The following ZNF331 variants were observed in gnomAD, a reference collection of about 807,000 sequenced individuals.
ZNF331 encodes zinc finger protein 331, also known as C2H2-like zinc finger protein rearranged in thyroid adenomas.
ZNF331 carries 2 observed loss-of-function variants against 7.0 expected under a neutral mutation model. The ratio of observed to expected loss-of-function variants is 0.29; its 90% CI spans 0.12 to 0.90. The LOEUF (loss-of-function observed/expected upper bound fraction) is 0.90. ZNF331 is among the 40% of genes least tolerant of loss of function. The probability of loss-of-function intolerance (pLI) is 0.58; values close to 1 mark genes in which losing one functional copy is unlikely to be tolerated. For missense variants in ZNF331, 432 were observed against 587.7 expected (o/e 0.74, Z 2.74); for synonymous variants, 196 against 205.4 (o/e 0.95, Z 0.39).
intron 2 of ZNF331, among the ~76,000 whole-genome samples, chr19:53,531,142 G>A (rs1782547713): frequency 6.6e-6 from 1 of 152,032 alleles, no homozygotes; most frequent in Admixed American, 6.6e-5. Context: ...ACATTCTTAC[G>A]AAAAAGCACG....
At chr19:53,549,500 G>T (rs934844107) in intron 2 of ZNF331, among the ~76,000 whole-genome samples, 1 of 152,130 alleles carries the variant, frequency 6.6e-6, no homozygotes, top group Non-Finnish European at 1.5e-5. Context: ...AGAGTGCAGT[G>T]TGGAGTCATG....
intron 1 of ZNF331, chr19:53,538,846 A>T (rs903835056): frequency 3.9e-5 from 6 of 152,044 alleles, no homozygotes; most frequent in African/African-American, 1.5e-4. Context: ...CCCTGCCTTC[A>T]CCTCCTAACC....
In ZNF331 at chr19:53,560,661, T is replaced by C. The variant is rs2089828200; in HGVS notation, c.-74+4753T>C. Among the ~76,000 whole-genome samples, 1 of 152,106 alleles carries C rather than the reference T, an allele frequency of 6.6e-6. No individual in the cohort carries two copies. Among genetic ancestry groups the C allele is most frequent in the Admixed American group, 6.6e-5 (1 of 15,266 alleles). ...AGGTTGTTGGAGGCTGTAGGAGATATTCTGTGTCCTTGCTTTTGCTGGCTT... is the reference window on the plus strand; with the variant it reads ...AGGTTGTTGGAGGCTGTAGGAGATACTCTGTGTCCTTGCTTTTGCTGGCTT... On this transcript the variant is annotated intron_variant, in intron 3 of 5. Transcript: ENST00000449416. This position sits in a 1 kb window ranked among gnomAD's most constrained non-coding sequence, Gnocchi z 4.3.
chr19:53,576,861 A>G lies in ZNF331; in HGVS notation c.301A>G (p.Asn101Asp). Residue 101 changes from asparagine to aspartate, a missense_variant, in exon 6 of 6, where the codon AAT becomes GAT. Physicochemically the swap from Asn to Asp is conservative, Grantham distance 23. Transcript: ENST00000449416. ...ACAGCGCTCCAGAGGGAGGTATGTC[A>G]ATCAGATGATCATCAATTATGTCAA... Reference protein sequence around the residue: ...RPQRSRGRYVNQMIINYVKRP... With the variant: ...RPQRSRGRYVDQMIINYVKRP... The G allele has an allele frequency of 1.9e-6, 3 of 1,614,202 alleles. No homozygotes were observed. The highest frequency in any genetic ancestry group is 2.5e-6 in the Non-Finnish European group (3 of 1,180,044).
the ZNF331 span, among the ~76,000 whole-genome samples, chr19:53,510,159 G>C: frequency 1.3e-5 from 2 of 152,216 alleles, no homozygotes; most frequent in Admixed American, 1.3e-4. Flanking sequence ...TCCTGCTTCT[G>C]TGGGCGTGAC....
intron 2 of ZNF331, among the ~76,000 whole-genome samples, chr19:53,548,406 C>T (rs932285579): frequency 2.0e-5 from 3 of 151,886 alleles, no homozygotes; most frequent in Non-Finnish European, 2.9e-5. Flanking sequence ...CCACGGTGCC[C>T]GGCCAATGCC....
chr19:53,538,059 T>TCTG (rs1229600889), upstream of ZNF331: 5 of 152,312 alleles, frequency 3.3e-5, no homozygotes, highest in East Asian at 1.9e-4. Flanking sequence ...CGTGTCGGGC[T>TCTG]CTGCTGCTGT....
chr19:53,522,691 T>C (rs891808503), intron 2 of ZNF331: 2 of 152,174 alleles, frequency 1.3e-5, no homozygotes, highest in Non-Finnish European at 2.9e-5. Context: ...TCAGGTGAGT[T>C]AGCTTTTTGT....
rs756310980 is a variant in ZNF331 at position 53,577,220 on chromosome 19, T to C, written c.660T>C (p.Cys220=). Residue 220 remains cysteine, a synonymous_variant, in exon 6 of 6, where the codon TGT becomes TGC. Transcript: ENST00000449416. The part of the protein sequence containing the change: ...TGEKPYECKD[C]GKAFRRGDEL... Reference sequence around the variant, plus strand: ...AAAAACCCTATGAATGTAAAGACTGTGGAAAGGCCTTTCGGCGTGGTGATG... The same window carrying C: ...AAAAACCCTATGAATGTAAAGACTGCGGAAAGGCCTTTCGGCGTGGTGATG... The C allele has an allele frequency of 1.9e-6, 3 of 1,613,884 alleles. No homozygotes were observed. Among genetic ancestry groups the C allele is most frequent in the Non-Finnish European group, 2.5e-6 (3 of 1,179,978 alleles).
intron 3 of ZNF331, among the ~76,000 whole-genome samples, chr19:53,559,310 C>G (rs2089663568): frequency 6.7e-6 from 1 of 150,082 alleles, no homozygotes; most frequent in Non-Finnish European, 1.5e-5. Flanking sequence ...CAAACACACC[C>G]CATGTACACA....
chr19:53,548,330 C>T (rs1330804620), intron 2 of ZNF331, among the ~76,000 whole-genome samples: 1 of 152,064 alleles, frequency 6.6e-6, no homozygotes, highest in African/African-American at 2.4e-5. Flanking sequence ...CCAGGATGGT[C>T]TCGATCTCCT....
the ZNF331 span, among the ~76,000 whole-genome samples, chr19:53,510,350 G>A: frequency 6.6e-6 from 1 of 152,074 alleles, no homozygotes; most frequent in Non-Finnish European, 1.5e-5. Context: ...GGAACTCGGG[G>A]TAGGAGTGGG....
chr19:53,512,133 C>T, the ZNF331 span: 1 of 152,474 alleles, frequency 6.6e-6, no homozygotes, highest in East Asian at 1.9e-4. Flanking sequence ...TCTGTTATCT[C>T]CGGTCCGGGG....
At chr19:53,550,037 T>C (rs1355053277) in intron 2 of ZNF331, among the ~76,000 whole-genome samples, 1 of 152,242 alleles carries the variant, frequency 6.6e-6, no homozygotes, top group Non-Finnish European at 1.5e-5. Flanking sequence ...TATTTTTTGA[T>C]TTACCTAAAT....
At chr19:53,507,956 G>C in the ZNF331 span, among the ~76,000 whole-genome samples, 7 of 152,114 alleles carry the variant, frequency 4.6e-5, no homozygotes, top group African/African-American at 1.7e-4. Flanking sequence ...CAAAACTCAG[G>C]GTTTTGGCCA....
intron 2 of ZNF331, among the ~76,000 whole-genome samples, chr19:53,553,832 C>T (rs895021006): frequency 1.3e-5 from 2 of 152,216 alleles, no homozygotes; most frequent in African/African-American, 4.8e-5. Context: ...ATGGCTCACC[C>T]GGCATCACCC....
chr19:53,511,593 G>GT, the ZNF331 span, among the ~76,000 whole-genome samples: 1 of 152,176 alleles, frequency 6.6e-6, no homozygotes, highest in Admixed American at 6.5e-5. Flanking sequence ...TAACATGGTG[G>GT]TTTTGCCATG....
chr19:53,559,534 A>C (rs554771394), intron 3 of ZNF331, among the ~76,000 whole-genome samples: 3 of 151,086 alleles, frequency 2.0e-5, no homozygotes, highest in African/African-American at 7.3e-5. Flanking sequence ...ATATACACAC[A>C]CGCCATATAT....
the ZNF331 span, among the ~76,000 whole-genome samples, chr19:53,506,520 C>T: frequency 2.7e-5 from 4 of 149,848 alleles, no homozygotes; most frequent in African/African-American, 4.9e-5. Context: ...CTCTCTCTCT[C>T]TCTCACACAC....
Sources: gnomAD v4.1 joint callset for allele counts (sites outside exome capture counted in the v4.1 genomes callset) on GRCh38, gnomAD v4.1.1 for gene constraint, Gnocchi (gnomAD v3.1) non-coding constraint, MANE v1.5 for transcripts, NCBI Gene and HGNC (gene_info 2026-07-23, HGNC 2026-07-21) for gene names.